KCNIP2: variants seen among roughly 807,000 people sequenced by gnomAD.
KCNIP2 encodes the protein A-type potassium channel modulatory protein KCNIP2.
KCNIP2 carries 19 observed loss-of-function variants against 39.0 expected under a neutral mutation model. That is an observed-to-expected ratio of 0.49 (90% CI 0.34 to 0.71). KCNIP2 has a LOEUF of 0.71. Among genes scored for constraint, KCNIP2 ranks in the 30% least tolerant of loss-of-function variants. KCNIP2 has a pLI of 0.01. For missense variants in KCNIP2, 261 were observed against 346.0 expected, an observed-to-expected ratio of 0.75 and a Z score of 1.95; for synonymous variants, 111 against 131.2, an observed-to-expected ratio of 0.85 and a Z score of 1.05.
rs1313741731 is a variant in KCNIP2, at chr10:101,826,395, T to C, written c.*958A>G. The C allele has an allele frequency of 1.3e-5, 2 of 152,694 alleles. No individual in the cohort carries two copies. The allele number at this position is 152,694 out of a possible 1,614,324, so 9.5% of individuals were successfully genotyped here. On this transcript the variant is annotated 3_prime_UTR_variant, in exon 10 of 10. Coordinates refer to ENST00000356640, the MANE Select transcript of KCNIP2 (RefSeq NM_173191.3). Reference sequence around the variant, plus strand: ...TGCCTCCCTCCTTCCCTCTCCCTTCTAAGGCATCCACTGTGGGGAGTGATA... The same window carrying C: ...TGCCTCCCTCCTTCCCTCTCCCTTCCAAGGCATCCACTGTGGGGAGTGATA...
chr10:101,827,950 T>G lies in KCNIP2; in HGVS notation c.641A>C (p.Lys214Thr), dbSNP rs1367411008. ...CTCCCGGAGTGCAGGGTACGTGTAC[T>G]TGCCCATCATGTCATAGATGGACTT... ...IMKSIYDMMG[K>T]YTYPALREEA... The change falls in exon 8 of 10, where the codon AAG becomes ACG. Residue 214 changes from lysine to threonine, a missense_variant. By Grantham distance (78) the Lys-to-Thr change is moderately conservative. Transcript: ENST00000356640. 1 of 1,614,136 alleles carries G rather than the reference T, an allele frequency of 6.2e-7. No homozygotes were observed. Among genetic ancestry groups the G allele is most frequent in the Admixed American group, 1.7e-5 (1 of 60,020 alleles).
intron 2 of KCNIP2, 129 bp downstream of exon 2, chr10:101,830,942 CG>C: frequency 1.2e-6 from 1 of 856,620 alleles, no homozygotes; most frequent in Admixed American, 2.0e-5. Context: ...GCCTGGGGCA[CG>C]CCCCCCCACA....
Position 101,828,586 on chromosome 10 carries a change from A to G in KCNIP2, c.418+41T>C. 1 of 1,606,096 alleles carries G rather than the reference A, an allele frequency of 6.2e-7. No homozygotes were observed. The highest frequency in any genetic ancestry group is 8.5e-7 in the Non-Finnish European group (1 of 1,173,002). On this transcript the variant is annotated intron_variant, in intron 5 of 9. Coordinates refer to ENST00000356640, the MANE Select transcript of KCNIP2 (RefSeq NM_173191.3). This position sits in a 1 kb window ranked among gnomAD's most constrained non-coding sequence, Gnocchi z 6.6. The stretch of plus-strand genomic sequence containing the variant: ...CCAGAATCCCTCCCTCCCTCAGCCT[A>G]GAGAAGGACAACTGCTTCCCCTTGG...
At chr10:101,839,576 G>A (rs1345373649) in intron 1 of KCNIP2, among the ~76,000 whole-genome samples, 1 of 152,126 alleles carries the variant, frequency 6.6e-6, no homozygotes, top group African/African-American at 2.4e-5. Context: ...TCAGTAAGGA[G>A]GCCCATCCCC....
intron 1 of KCNIP2, chr10:101,839,601 C>T: frequency 1.4e-6 from 1 of 724,530 alleles, no homozygotes; most frequent in Non-Finnish European, 2.4e-6. Flanking sequence ...CCGCTTCTGT[C>T]CAGGATCTCG....
chr10:101,837,290 T>C (rs547921678), intron 1 of KCNIP2, among the ~76,000 whole-genome samples: 2 of 152,212 alleles, frequency 1.3e-5, no homozygotes, highest in South Asian at 2.1e-4. Context: ...GATGAAGGAA[T>C]TGAAGCTCCC....
In KCNIP2 at chr10:101,829,147, A is replaced by G. The variant is rs1378528183; in HGVS notation, c.276T>C (p.Gly92=). 6.2e-7 allele frequency: 1 copy of G among 1,614,026 alleles called. No individual in the cohort carries two copies. The highest frequency in any genetic ancestry group is 1.7e-5 in the Admixed American group (1 of 60,008). The change falls in exon 4 of 10, where the codon GGT becomes GGC. Residue 92 remains glycine (G), a synonymous_variant. Coordinates refer to ENST00000356640, the MANE Select transcript of KCNIP2 (RefSeq NM_173191.3). Reference sequence around the variant, plus strand: ...TGGTTTGCTCCTGCAGCTGCTCCAGACCCTCAGGCCGGTGACACACGGTGG... The same window carrying G: ...TGGTTTGCTCCTGCAGCTGCTCCAGGCCCTCAGGCCGGTGACACACGGTGG... ...ELSTVCHRPE[G]LEQLQEQTKF...
At chr10:101,830,809 C>T (rs552186144) in intron 2 of KCNIP2, among the ~76,000 whole-genome samples, 258 of 148,792 alleles carry the variant, frequency 1.7e-3, no homozygotes, top group African/African-American at 6.1e-3. Flanking sequence ...ACGCCCTCCA[C>T]ACACATGCAG....
In KCNIP2 at chr10:101,826,323, T is replaced by C. The variant is rs747093165; in HGVS notation, c.*1030A>G. 1.3e-5 allele frequency: 2 copies of C among 152,672 alleles called. No homozygotes were observed. The highest frequency in any genetic ancestry group is 2.9e-5 in the Non-Finnish European group (2 of 68,136). 9.5% of individuals were successfully genotyped at this position (152,672 alleles called of 1,614,324 possible). ...GTGGGGTGGGGAGAGCCCAGGTTGATTGAAGATTCTAGTGAATGCCCCCAC... is the reference window on the plus strand; with the variant it reads ...GTGGGGTGGGGAGAGCCCAGGTTGACTGAAGATTCTAGTGAATGCCCCCAC... On this transcript the variant is annotated 3_prime_UTR_variant, in exon 10 of 10. Transcript: ENST00000356640.
chr10:101,836,173 C>T (rs1024852587), intron 1 of KCNIP2, among the ~76,000 whole-genome samples: 1 of 152,094 alleles, frequency 6.6e-6, no homozygotes, highest in African/African-American at 2.4e-5. Context: ...CCGGGGGGCA[C>T]GCGTCCAACC....
At chr10:101,834,560 C>T (rs911627991) in intron 1 of KCNIP2, among the ~76,000 whole-genome samples, 1 of 152,094 alleles carries the variant, frequency 6.6e-6, no homozygotes, top group Non-Finnish European at 1.5e-5. Flanking sequence ...CAACCACAGC[C>T]GCCGCCTCTT....
Position 101,826,196 on chromosome 10 carries a change from C to G in KCNIP2, c.*1157G>C, listed in dbSNP as rs1190349958. 2.0e-5 allele frequency: 3 copies of G among 152,680 alleles called. No homozygotes were observed. The highest frequency in any genetic ancestry group is 7.2e-5 in the African/African-American group (3 of 41,388). 9.5% of individuals were successfully genotyped at this position (152,680 alleles called of 1,614,324 possible). ...GGGGTGCTGACAATGGGGTTGGAACCTGGGTCCTATGGTCCCTGCCCTCTA... is the reference window on the plus strand; with the variant it reads ...GGGGTGCTGACAATGGGGTTGGAACGTGGGTCCTATGGTCCCTGCCCTCTA... On this transcript the variant is annotated 3_prime_UTR_variant, in exon 10 of 10. Coordinates refer to ENST00000356640, the MANE Select transcript of KCNIP2 (RefSeq NM_173191.3).
Position 101,827,016 on chromosome 10 carries a change from A to G in KCNIP2, c.*337T>C, listed in dbSNP as rs2065767194. Reference sequence around the variant, plus strand: ...TGAGGTCAGGGATGGGGGAAGCACCATAGCAGGAGACATCTGTCTAGTGTG... The same window carrying G: ...TGAGGTCAGGGATGGGGGAAGCACCGTAGCAGGAGACATCTGTCTAGTGTG... On this transcript the variant is annotated 3_prime_UTR_variant, in exon 10 of 10. Coordinates refer to ENST00000356640, the MANE Select transcript of KCNIP2 (RefSeq NM_173191.3). 3 of 236,460 alleles carry G rather than the reference A, an allele frequency of 1.3e-5. No individual in the cohort carries two copies. Among genetic ancestry groups the G allele is most frequent in the Non-Finnish European group, 2.4e-5 (3 of 122,852 alleles). 14.6% of individuals were successfully genotyped at this position (236,460 alleles called of 1,614,324 possible).
chr10:101,839,479 C>G (rs1247489282), intron 1 of KCNIP2, among the ~76,000 whole-genome samples: 2 of 152,090 alleles, frequency 1.3e-5, no homozygotes, highest in Non-Finnish European at 2.9e-5. Flanking sequence ...CCTCTGCCTT[C>G]GGTGAGAAGC....
chr10:101,832,421 A>G (rs1334603242), intron 1 of KCNIP2, among the ~76,000 whole-genome samples: 1 of 151,650 alleles, frequency 6.6e-6, no homozygotes, highest in Non-Finnish European at 1.5e-5. Context: ...AGTTGGCCTC[A>G]GTCCATTCCT....
rs2065830177 is a variant in KCNIP2 at position 101,828,528 on chromosome 10, A to G, written c.419-69T>C. On this transcript the variant is annotated intron_variant, in intron 5 of 9. Transcript: ENST00000356640. The surrounding 1 kb of genome is among the most constrained non-coding windows in gnomAD (Gnocchi z 6.6). The stretch of plus-strand genomic sequence containing the variant: ...ACTTCCTCCCTCTAAGGAGCTCCCC[A>G]TACCCCCCATCACCTTGGCATTCCC... The G allele has an allele frequency of 6.3e-7, 1 of 1,597,660 alleles. No individual in the cohort carries two copies. The highest frequency in any genetic ancestry group is 8.6e-7 in the Non-Finnish European group (1 of 1,166,580).
chr10:101,838,853 T>A lies in KCNIP2; in HGVS notation c.73+4643A>T, dbSNP rs2066237830. 6.6e-6 allele frequency among the ~76,000 whole-genome samples: 1 copy of A among 152,216 alleles called. No individual in the cohort carries two copies. The highest frequency in any genetic ancestry group is 1.5e-5 in the Non-Finnish European group (1 of 68,038). On this transcript the variant is annotated intron_variant, in intron 1 of 9. Coordinates refer to ENST00000356640, the MANE Select transcript of KCNIP2 (RefSeq NM_173191.3). The surrounding 1 kb of genome is among the most constrained non-coding windows in gnomAD (Gnocchi z 4.0). ...CAGAATGCCACAGGACCAGGTTGTT[T>A]TGGTCTGTTTGAGGTCAGGTACAGA...
intron 1 of KCNIP2, among the ~76,000 whole-genome samples, chr10:101,837,240 C>T (rs1039247201): frequency 9.2e-5 from 14 of 152,262 alleles, no homozygotes; most frequent in South Asian, 4.1e-4. Flanking sequence ...GTTTTTACAG[C>T]TGACATGGTC....
chr10:101,831,383 G>A (rs1213286443), intron 1 of KCNIP2, among the ~76,000 whole-genome samples: 1 of 152,150 alleles, frequency 6.6e-6, no homozygotes, highest in African/African-American at 2.4e-5. Context: ...AATGGGACGT[G>A]GCCGGTGACA....
Sources: gnomAD v4.1 joint callset for allele counts (sites outside exome capture counted in the v4.1 genomes callset) on GRCh38, gnomAD v4.1.1 for gene constraint, Gnocchi (gnomAD v3.1) non-coding constraint, MANE v1.5 for transcripts, NCBI Gene and HGNC (gene_info 2026-07-23, HGNC 2026-07-21) for gene names.